Variants in AGAP1 observed in about 807,000 individuals in gnomAD.
AGAP1 encodes the protein arf-GAP with GTPase, ANK repeat and PH domain-containing protein 1.
A neutral mutation model predicts 105.3 loss-of-function variants in AGAP1; 29 were observed. The observed-to-expected ratio is 0.28, with a 90% CI of 0.21 to 0.38. AGAP1 has a LOEUF of 0.38. Ranked by LOEUF, AGAP1 falls within the 10% of genes least tolerant of loss-of-function variation. The probability of loss-of-function intolerance (pLI) is 1.00; values close to 1 mark genes in which losing one functional copy is unlikely to be tolerated. For missense variants in AGAP1, 998 were observed against 1,165.1 expected (o/e 0.86, Z 2.09); for synonymous variants, 509 against 485.9 (o/e 1.05, Z -0.63).
chr2:235,544,129 A>G (rs990644546), intron 1 of AGAP1, among the ~76,000 whole-genome samples: 2 of 152,194 alleles, frequency 1.3e-5, no homozygotes, highest in Admixed American at 6.5e-5. Flanking sequence ...AATATGCTCA[A>G]ATGCTTAAAA....
intron 9 of AGAP1, among the ~76,000 whole-genome samples, chr2:235,825,846 ATAACT>A (rs1455829057): frequency 2.0e-5 from 3 of 152,250 alleles, no homozygotes; most frequent in Non-Finnish European, 4.4e-5. Context: ...ACATTTAAAA[ATAACT>A]TAAAAGAGTG....
chr2:235,711,795 T>C (rs1276034536), intron 2 of AGAP1, among the ~76,000 whole-genome samples: 1 of 152,160 alleles, frequency 6.6e-6, no homozygotes, highest in Non-Finnish European at 1.5e-5. Context: ...AGGGCTGCAA[T>C]TGTTTCCCTC....
chr2:236,093,911 CAT>C (rs992892585), intron 16 of AGAP1, among the ~76,000 whole-genome samples: 2 of 152,042 alleles, frequency 1.3e-5, no homozygotes, highest in Non-Finnish European at 2.9e-5. Flanking sequence ...CTCTGAGAAA[CAT>C]ATAAAAACAC....
intron 1 of AGAP1, among the ~76,000 whole-genome samples, chr2:235,707,665 C>T (rs1450073452): frequency 2.8e-5 from 2 of 72,196 alleles, no homozygotes; most frequent in African/African-American, 4.0e-5. Flanking sequence ...TGTGCTCCCC[C>T]GGCGTGTGAC....
chr2:235,564,181 C>T (rs972699173), intron 1 of AGAP1, among the ~76,000 whole-genome samples: 8 of 152,180 alleles, frequency 5.3e-5, no homozygotes, highest in African/African-American at 1.9e-4. Context: ...CTTTATCCAT[C>T]GAATCCTAAA....
Position 235,874,021 on chromosome 2 carries a change from G to A in AGAP1, c.1051-9324G>A, listed in dbSNP as rs7601694. ...TGGGGTCACAGGCGTGAGCCATCAC[G>A]CCCAGCCCAGAACCGCATTCTGTTT... On this transcript the variant is annotated intron_variant, in intron 9 of 17. Transcript: ENST00000304032. The surrounding 1 kb of genome is among the most constrained non-coding windows in gnomAD (Gnocchi z 4.5). Among the ~76,000 whole-genome samples the A allele has an allele frequency of 0.026, 3,884 of 152,098 alleles. 160 individuals carry two copies. Among genetic ancestry groups the A allele is most frequent in the African/African-American group, 0.086 (3,554 of 41,458 alleles).
intron 13 of AGAP1, among the ~76,000 whole-genome samples, chr2:235,986,262 T>G (rs1399408883): frequency 6.6e-6 from 1 of 152,206 alleles, no homozygotes; most frequent in Admixed American, 6.5e-5. Flanking sequence ...ATGATTTGGC[T>G]CTCTGCTTGC....
In AGAP1 at chr2:235,625,239, C is replaced by T. The variant is rs964810714; in HGVS notation, c.164-83940C>T. Among the ~76,000 whole-genome samples the T allele has an allele frequency of 3.9e-5, 6 of 152,154 alleles. No individual in the cohort carries two copies. The highest frequency in any genetic ancestry group is 8.8e-5 in the Non-Finnish European group (6 of 68,032). On this transcript the variant is annotated intron_variant, in intron 1 of 17. Transcript: ENST00000304032. The surrounding 1 kb of genome is among the most constrained non-coding windows in gnomAD (Gnocchi z 4.0). ...CTCCAGCAGTCCCCTCTGCACATGCCTGAACTGCTTCAGGGCACCCTACAG... is the reference window on the plus strand; with the variant it reads ...CTCCAGCAGTCCCCTCTGCACATGCTTGAACTGCTTCAGGGCACCCTACAG...
intron 13 of AGAP1, among the ~76,000 whole-genome samples, chr2:235,997,070 C>T (rs976117012): frequency 2.6e-5 from 4 of 152,144 alleles, no homozygotes; most frequent in Non-Finnish European, 5.9e-5. Context: ...TAGATACATG[C>T]ATATTGCCTT....
intron 1 of AGAP1, among the ~76,000 whole-genome samples, chr2:235,513,574 C>T (rs1942247783): frequency 6.6e-6 from 1 of 151,282 alleles, no homozygotes; most frequent in Non-Finnish European, 1.5e-5. Flanking sequence ...GGCTCCACCC[C>T]CAGAAGTTCT....
chr2:235,910,075 T>G (rs1325528235), intron 11 of AGAP1, among the ~76,000 whole-genome samples: 1 of 152,214 alleles, frequency 6.6e-6, no homozygotes, highest in African/African-American at 2.4e-5. Context: ...TGCTGCACTT[T>G]CCTCTTCTGA....
chr2:235,816,176 G>A (rs566731210), intron 9 of AGAP1, among the ~76,000 whole-genome samples: 3 of 152,284 alleles, frequency 2.0e-5, no homozygotes, highest in South Asian at 4.1e-4. Flanking sequence ...AGTGGCTCAC[G>A]CCGGTAATCC....
At chr2:235,572,854 C>T (rs1435811425) in intron 1 of AGAP1, among the ~76,000 whole-genome samples, 5 of 152,140 alleles carry the variant, frequency 3.3e-5, no homozygotes, top group African/African-American at 1.2e-4. Flanking sequence ...AGGACCAGCT[C>T]GGCTGCGGGA....
intron 1 of AGAP1, among the ~76,000 whole-genome samples, chr2:235,518,501 A>G (rs1942486905): frequency 6.6e-6 from 1 of 152,098 alleles, no homozygotes; most frequent in East Asian, 1.9e-4. Flanking sequence ...AATTCCTTGG[A>G]TTTCCTCTGT....
chr2:235,846,681 G>A (rs1575604485), intron 9 of AGAP1, among the ~76,000 whole-genome samples: 1 of 152,100 alleles, frequency 6.6e-6, no homozygotes, highest in East Asian at 1.9e-4. Context: ...ACAAAGCCCA[G>A]GCTGGAGTGC....
chr2:235,884,209 T>A (rs763904321), intron 10 of AGAP1, among the ~76,000 whole-genome samples: 49 of 152,160 alleles, frequency 3.2e-4, no homozygotes, highest in Non-Finnish European at 6.6e-4. Context: ...CCATTGTCCC[T>A]CAGTATCTAT....
At position 235,724,115 on chromosome 2, in the gene AGAP1, G is replaced by C. The variant is rs1951530367; in HGVS notation, c.310+6471G>C. 6.6e-6 allele frequency among the ~76,000 whole-genome samples: 1 copy of C among 152,172 alleles called. No individual in the cohort carries two copies. Among genetic ancestry groups the C allele is most frequent in the Admixed American group, 6.5e-5 (1 of 15,272 alleles). On this transcript the variant is annotated intron_variant, in intron 3 of 17. Transcript: ENST00000304032. This position sits in a 1 kb window ranked among gnomAD's most constrained non-coding sequence, Gnocchi z 4.9. ...GGTCTTCATGAGCTTAATTCAGCAGGGGCTCCTTCCTTCAGTGATGGAATC... is the reference window on the plus strand; with the variant it reads ...GGTCTTCATGAGCTTAATTCAGCAGCGGCTCCTTCCTTCAGTGATGGAATC...
At position 236,120,274 on chromosome 2, in the gene AGAP1, G is replaced by A; in HGVS notation, c.2197G>A (p.Gly733Ser). The change falls in exon 17 of 18, where the codon GGC becomes AGC. Residue 733 changes from glycine to serine, a missense_variant. Gly to Ser is a moderately conservative substitution (Grantham distance 56). Around this residue, in one of 3 missense-constraint regions of AGAP1, gnomAD observed 235 missense variants for 270.7 expected, o/e 0.87. Transcript: ENST00000304032. The surrounding 1 kb of genome is among the most constrained non-coding windows in gnomAD (Gnocchi z 6.0). ...APLPCTELSL[G>S]QHLLRATADE... ...GCTGCCCTGCACGGAGCTGTCCCTG[G>A]GCCAGCACCTGCTGCGGGCCACCGC... is the stretch of plus-strand genomic sequence containing the variant. 6.2e-7 allele frequency: 1 copy of A among 1,613,196 alleles called. No homozygotes were observed. The highest frequency in any genetic ancestry group is 8.5e-7 in the Non-Finnish European group (1 of 1,179,740).
chr2:236,110,441 T>G (rs2125934188), intron 16 of AGAP1, among the ~76,000 whole-genome samples: 1 of 151,664 alleles, frequency 6.6e-6, no homozygotes, highest in African/African-American at 2.4e-5. Flanking sequence ...TGTGCACCTG[T>G]AGTTCCACCT....
Sources: allele counts gnomAD v4.1 joint callset (sites outside exome capture counted in the v4.1 genomes callset), GRCh38; gene constraint gnomAD v4.1.1; regional missense constraint gnomAD v4.1.1; non-coding constraint Gnocchi (gnomAD v3.1); transcripts MANE v1.5; gene names NCBI Gene and HGNC (gene_info 2026-07-23, HGNC 2026-07-21).